NCOA6: variants seen among roughly 807,000 people sequenced by gnomAD.
NCOA6 encodes the protein NRC RAP250.
Under a neutral mutation model 171.4 loss-of-function variants are expected in NCOA6, and 49 were observed. The observed-to-expected ratio is 0.29, with a 90% CI of 0.23 to 0.36. The LOEUF (loss-of-function observed/expected upper bound fraction) is 0.36, where lower values mean the gene tolerates loss of function less well. Among genes scored for constraint, NCOA6 ranks in the 10% least tolerant of loss-of-function variants. The pLI is 1.00. For synonymous variants in NCOA6, 910 were observed against 927.5 expected (o/e 0.98, Z 0.34); for missense variants, 2,248 against 2,554.5 (o/e 0.88, Z 2.59).
intron 13 of NCOA6, among the ~76,000 whole-genome samples, chr20:34,729,112 G>A (rs1213625708): frequency 6.6e-6 from 1 of 152,036 alleles, no homozygotes; most frequent in Non-Finnish European, 1.5e-5. Flanking sequence ...CACCACGCCT[G>A]GCTAATTTTT....
chr20:34,772,246 C>T (rs1179004408), intron 4 of NCOA6, among the ~76,000 whole-genome samples: 2 of 151,018 alleles, frequency 1.3e-5, no homozygotes, highest in African/African-American at 2.4e-5. Flanking sequence ...CCCAGGAGGC[C>T]GGGGCTACAG....
At chr20:34,794,536 GCTGT>G (rs774931659) in intron 1 of NCOA6, among the ~76,000 whole-genome samples, 2 of 152,022 alleles carry the variant, frequency 1.3e-5, no homozygotes, top group East Asian at 1.9e-4. Context: ...GAAGGAAAAT[GCTGT>G]CTGTGTACTG....
chr20:34,719,301 C>T (rs1446988637), intron 14 of NCOA6, among the ~76,000 whole-genome samples: 1 of 152,052 alleles, frequency 6.6e-6, no homozygotes, highest in Admixed American at 6.6e-5. Flanking sequence ...TTTCACTGTA[C>T]TATTTCTATC....
chr20:34,765,521 C>T (rs1366380237), intron 5 of NCOA6, among the ~76,000 whole-genome samples: 2 of 151,616 alleles, frequency 1.3e-5, no homozygotes, highest in African/African-American at 4.8e-5. Context: ...TATATGCTGA[C>T]TACATGTTCA....
intron 14 of NCOA6, among the ~76,000 whole-genome samples, chr20:34,722,823 T>TA (rs71196758): frequency 0.35 from 53,266 of 151,162 alleles, 9,665 homozygotes; most frequent in Middle Eastern, 0.43. Flanking sequence ...CCATCTCTAC[T>TA]AAAAAAAATA....
At chr20:34,760,800 T>C (rs1217232794) in intron 5 of NCOA6, among the ~76,000 whole-genome samples, 1 of 152,224 alleles carries the variant, frequency 6.6e-6, no homozygotes, top group African/African-American at 2.4e-5. Context: ...AAAAATGATA[T>C]ATAATTCATA....
At chr20:34,823,702 T>C (rs1601186035) in intron 1 of NCOA6, among the ~76,000 whole-genome samples, 2 of 150,026 alleles carry the variant, frequency 1.3e-5, no homozygotes, top group East Asian at 3.9e-4. Flanking sequence ...GCATCTCTCT[T>C]TTTTTTTTTT....
chr20:34,779,505 C>T (rs968830203), intron 3 of NCOA6, among the ~76,000 whole-genome samples: 6 of 152,264 alleles, frequency 3.9e-5, no homozygotes, highest in Non-Finnish European at 7.3e-5. Flanking sequence ...TGGGGTGAGA[C>T]ACTGCCTCAA....
chr20:34,766,103 T>C (rs539302037), intron 5 of NCOA6, among the ~76,000 whole-genome samples: 24 of 152,270 alleles, frequency 1.6e-4, no homozygotes, highest in African/African-American at 3.6e-4. Context: ...CAAGTCTCAA[T>C]AGACAACAGA....
At chr20:34,725,893 A>G (rs1989904349) in intron 14 of NCOA6, among the ~76,000 whole-genome samples, 1 of 152,194 alleles carries the variant, frequency 6.6e-6, no homozygotes, top group East Asian at 1.9e-4. Context: ...AGGGGTCTGT[A>G]CTAGAAATAG....
rs2076431709 is a variant in NCOA6 at position 34,750,294 on chromosome 20, T to A, written c.1901A>T (p.Gln634Leu). 1.2e-6 allele frequency: 2 copies of A among 1,613,026 alleles called. No homozygotes were observed. The highest frequency in any genetic ancestry group is 1.7e-6 in the Non-Finnish European group (2 of 1,179,372). The change falls in exon 9 of 15, where the codon CAG becomes CTG. Residue 634 changes from glutamine (Q) to leucine (L), a missense_variant. Gln to Leu is a moderately radical substitution (Grantham distance 113). Around this residue, in one of 7 missense-constraint regions of NCOA6, gnomAD observed 987 missense variants for 1,104.7 expected, o/e 0.89. Transcript: ENST00000359003. The part of the protein sequence containing the change: ...MHQQIVPSQG[Q>L]MVQQQGTLNP... Reference sequence around the variant, plus strand: ...CAAGGTTCCTTGTTGCTGGACCATCTGGCCCTGGGAGGGCACGATTTGCTG... The same window carrying A: ...CAAGGTTCCTTGTTGCTGGACCATCAGGCCCTGGGAGGGCACGATTTGCTG...
chr20:34,741,851 T>C lies in NCOA6; in HGVS notation c.4405A>G (p.Lys1469Glu), dbSNP rs942194724. 1 of 1,614,182 alleles carries C rather than the reference T, an allele frequency of 6.2e-7. No individual in the cohort carries two copies. Among genetic ancestry groups the C allele is most frequent in the Non-Finnish European group, 8.5e-7 (1 of 1,180,038 alleles). The change falls in exon 11 of 15, where the codon AAA (lysine) becomes GAA (glutamate). Residue 1469 changes from lysine to glutamate, a missense_variant. Lys to Glu is a moderately conservative substitution (Grantham distance 56). Transcript: ENST00000359003. ...TTGTTCTCTTCGACACTGGGAAGTT[T>C]GTTAGGATCCGAAGGCTGCCCATCC... is the stretch of plus-strand genomic sequence containing the variant. Reference protein sequence around the residue: ...KKDGQPSDPNKLPSVEENKNL... With the variant: ...KKDGQPSDPNELPSVEENKNL...
intron 9 of NCOA6, 52 bp from the exon 10 acceptor site, chr20:34,746,980 G>C: frequency 1.4e-6 from 2 of 1,392,840 alleles, no homozygotes; most frequent in Non-Finnish European, 1.9e-6. Context: ...AAGTTGTATA[G>C]AAAATACACA....
At chr20:34,785,894 C>A (rs1192128257) in intron 2 of NCOA6, among the ~76,000 whole-genome samples, 109 of 135,956 alleles carry the variant, frequency 8.0e-4, no homozygotes, top group African/African-American at 2.7e-3. Flanking sequence ...AAAAAAAAAA[C>A]AGAGAGAAAT....
intron 1 of NCOA6, among the ~76,000 whole-genome samples, chr20:34,794,010 A>G (rs1162022732): frequency 6.6e-6 from 1 of 152,176 alleles, no homozygotes; most frequent in Admixed American, 6.5e-5. Flanking sequence ...GATTAGCAAA[A>G]CTCCAAAAAT....
intron 1 of NCOA6, among the ~76,000 whole-genome samples, chr20:34,814,340 G>A (rs2078764352): frequency 6.6e-6 from 1 of 150,900 alleles, no homozygotes; most frequent in Non-Finnish European, 1.5e-5. Flanking sequence ...CTCCATCTTG[G>A]GGAAAAAAAA....
At chr20:34,805,683 A>C (rs1408029364) in intron 1 of NCOA6, among the ~76,000 whole-genome samples, 1 of 149,306 alleles carries the variant, frequency 6.7e-6, no homozygotes, top group African/African-American at 2.5e-5. Flanking sequence ...TTCTCTTCTT[A>C]GCTTTTTTTT....
At chr20:34,812,202 GAGAT>G (rs2078689009) in intron 1 of NCOA6, among the ~76,000 whole-genome samples, 1 of 151,708 alleles carries the variant, frequency 6.6e-6, no homozygotes, top group Non-Finnish European at 1.5e-5. Flanking sequence ...GCAGTGAGCT[GAGAT>G]TGCGCCACTG....
At chr20:34,776,617 C>T (rs2077331024) in intron 3 of NCOA6, 169 bp from the exon 4 acceptor site, 3 of 778,462 alleles carry the variant, frequency 3.9e-6, no homozygotes, top group Non-Finnish European at 6.5e-6. Context: ...CTAGCTTTGC[C>T]ACTTAGCACC....
Sources: allele counts gnomAD v4.1 joint callset (sites outside exome capture counted in the v4.1 genomes callset), GRCh38; gene constraint gnomAD v4.1.1; regional missense constraint gnomAD v4.1.1; transcripts MANE v1.5; gene names NCBI Gene and HGNC (gene_info 2026-07-23, HGNC 2026-07-21).